Variants in GSG1L2 observed in about 807,000 individuals in gnomAD.
GSG1L2 encodes GSG1 like 2, also known as germ cell-specific gene 1-like protein 2.
Under a neutral mutation model 9.0 loss-of-function variants are expected in GSG1L2, and 15 were observed. That is an observed-to-expected ratio of 1.67 (90% CI 1.12 to 2.57). GSG1L2 has a LOEUF of 2.57. Ranked by LOEUF, GSG1L2 falls within the 30% of genes most tolerant of loss-of-function variation. GSG1L2 has a pLI of 0.00. For missense variants in GSG1L2, 286 were observed against 150.3 expected, an observed-to-expected ratio of 1.90 and a Z score of -4.72; for synonymous variants, 127 against 57.9, an observed-to-expected ratio of 2.19 and a Z score of -5.41.
intron 1 of GSG1L2, among the ~76,000 whole-genome samples, chr17:9,816,910 C>CTCTG (rs1555566439): frequency 3.2e-5 from 3 of 94,452 alleles, no homozygotes; most frequent in Non-Finnish European, 6.1e-5. Flanking sequence ...GTGTGTGTAT[C>CTCTG]TGTGTGTGTG....
intron 2 of GSG1L2, chr17:9,809,313 G>A (rs2066529403): frequency 2.7e-6 from 1 of 372,188 alleles, no homozygotes; most frequent in Non-Finnish European, 5.1e-6. Context: ...GTTGGTTCCT[G>A]CCGGTGGGTT....
Position 9,801,661 on chromosome 17 carries a change from G to A in GSG1L2, c.*725C>T, listed in dbSNP as rs1005883543. Among the ~76,000 whole-genome samples, 3 of 152,198 alleles carry A rather than the reference G, an allele frequency of 2.0e-5. No individual in the cohort carries two copies. The highest frequency in any genetic ancestry group is 7.2e-5 in the African/African-American group (3 of 41,458). On this transcript the variant is annotated 3_prime_UTR_variant, in exon 5 of 5. Coordinates refer to ENST00000399363, the MANE Select transcript of GSG1L2 (RefSeq NM_001310219.2). The stretch of plus-strand genomic sequence containing the variant: ...CCCACCACTGCCTCCAACAAGACCT[G>A]CATGTTTGGTAATGTTTATTTTTAG...
At chr17:9,807,981 C>T (rs1030822185) in intron 3 of GSG1L2, 3 of 186,990 alleles carry the variant, frequency 1.6e-5, no homozygotes, top group East Asian at 1.2e-4. Flanking sequence ...TGCTTAAGCT[C>T]AGGGGTTTGA....
rs1241737153 is a variant in GSG1L2, at chr17:9,800,701, G to A, written c.*1685C>T. ...GCGAATTCAGCGAAGTCTCTCTCCA[G>A]TGTATTTCATTCCCTGTAAGATGAG... is the stretch of plus-strand genomic sequence containing the variant. On this transcript the variant is annotated 3_prime_UTR_variant, in exon 5 of 5. Transcript: ENST00000399363. Among the ~76,000 whole-genome samples, 1 of 152,212 alleles carries A rather than the reference G, an allele frequency of 6.6e-6. No homozygotes were observed. Among genetic ancestry groups the A allele is most frequent in the Non-Finnish European group, 1.5e-5 (1 of 68,038 alleles).
intron 1 of GSG1L2, among the ~76,000 whole-genome samples, chr17:9,821,320 A>AAATAACAG (rs1391731437): frequency 6.6e-6 from 1 of 152,250 alleles, no homozygotes; most frequent in African/African-American, 2.4e-5. Flanking sequence ...AGTGCAGGAT[A>AAATAACAG]AATAACAGGG....
intron 2 of GSG1L2, chr17:9,809,333 G>T (rs1450415533): frequency 3.0e-6 from 1 of 333,286 alleles, no homozygotes; most frequent in East Asian, 7.5e-5. Context: ...TCATGGTCTG[G>T]CTGACTTCAA....
At chr17:9,807,847 C>A in intron 3 of GSG1L2, 1 of 421,350 alleles carries the variant, frequency 2.4e-6, no homozygotes, top group Non-Finnish European at 4.4e-6. Flanking sequence ...TGGCCTGGTT[C>A]CTTCCTAAGA....
At chr17:9,811,641 G>A (rs1489105375) in intron 1 of GSG1L2, among the ~76,000 whole-genome samples, 4 of 152,194 alleles carry the variant, frequency 2.6e-5, no homozygotes, top group African/African-American at 9.7e-5. Flanking sequence ...GCCCAAAATA[G>A]AATCATAGAC....
intron 3 of GSG1L2, among the ~76,000 whole-genome samples, chr17:9,808,202 A>G (rs2066523451): frequency 6.6e-6 from 1 of 152,224 alleles, no homozygotes; most frequent in East Asian, 1.9e-4. Flanking sequence ...GGACTAAAGG[A>G]AGTCATTTGT....
At chr17:9,806,182 C>T (rs2066515517) in intron 4 of GSG1L2, among the ~76,000 whole-genome samples, 1 of 152,192 alleles carries the variant, frequency 6.6e-6, no homozygotes. Flanking sequence ...TTGCCAATCA[C>T]CTTTCCTCTT....
At chr17:9,814,438 T>A (rs959860898) in intron 1 of GSG1L2, among the ~76,000 whole-genome samples, 1 of 152,112 alleles carries the variant, frequency 6.6e-6, no homozygotes, top group African/African-American at 2.4e-5. Context: ...TAACTTGTCT[T>A]CTAAAGAGAA....
intron 1 of GSG1L2, among the ~76,000 whole-genome samples, chr17:9,813,277 A>G (rs920736304): frequency 6.6e-6 from 1 of 152,158 alleles, no homozygotes; most frequent in Non-Finnish European, 1.5e-5. Flanking sequence ...CTATAGGGAG[A>G]AGAGAAACTC....
intron 1 of GSG1L2, among the ~76,000 whole-genome samples, chr17:9,811,591 T>C (rs1269861223): frequency 2.0e-5 from 3 of 152,160 alleles, no homozygotes; most frequent in Admixed American, 6.5e-5. Context: ...TGGGGTCCTG[T>C]CCCAGCTGAG....
In GSG1L2 at chr17:9,814,231, G is replaced by A. The variant is rs555883679; in HGVS notation, c.311-3613C>T. ...TTACAAGCGTGAGACACCGCGCCTGGCCTTTCCACTGTTTTGAGTGTTGAG... is the reference window on the plus strand; with the variant it reads ...TTACAAGCGTGAGACACCGCGCCTGACCTTTCCACTGTTTTGAGTGTTGAG... On this transcript the variant is annotated intron_variant, in intron 1 of 4. Coordinates refer to ENST00000399363, the MANE Select transcript of GSG1L2 (RefSeq NM_001310219.2). Among the ~76,000 whole-genome samples the A allele has an allele frequency of 2.0e-5, 3 of 152,342 alleles. No individual in the cohort carries two copies. In the East Asian group the frequency reaches 5.8e-4, roughly 29 times the overall value.
chr17:9,816,125 G>A (rs976164474), intron 1 of GSG1L2, among the ~76,000 whole-genome samples: 1 of 152,160 alleles, frequency 6.6e-6, no homozygotes, highest in East Asian at 1.9e-4. Flanking sequence ...CCCAGCCTCC[G>A]TAATGGTAAG....
At chr17:9,805,300 A>C (rs1169761386) in intron 4 of GSG1L2, 1 of 151,562 alleles carries the variant, frequency 6.6e-6, no homozygotes, top group Non-Finnish European at 1.5e-5. Context: ...TGAAGGATGA[A>C]TGTGGAGAAA....
chr17:9,806,615 T>C (rs2066517129), intron 4 of GSG1L2, among the ~76,000 whole-genome samples: 1 of 152,348 alleles, frequency 6.6e-6, no homozygotes, highest in Non-Finnish European at 1.5e-5. Flanking sequence ...AGGAGGGCAG[T>C]ACAAATTGGC....
rs2066498284 is a variant in GSG1L2, at chr17:9,801,950, G to C, written c.*436C>G. On this transcript the variant is annotated 3_prime_UTR_variant, in exon 5 of 5. Coordinates refer to ENST00000399363, the MANE Select transcript of GSG1L2 (RefSeq NM_001310219.2). Reference sequence around the variant, plus strand: ...GACATAGCCACACATACTTTATTGTGTGTGTCAATTAGGAGAAAACATTTT... The same window carrying C: ...GACATAGCCACACATACTTTATTGTCTGTGTCAATTAGGAGAAAACATTTT... Among the ~76,000 whole-genome samples the C allele has an allele frequency of 6.6e-6, 1 of 152,212 alleles. No homozygotes were observed. Among genetic ancestry groups the C allele is most frequent in the African/African-American group, 2.4e-5 (1 of 41,454 alleles).
At chr17:9,817,819 G>A (rs546865850) in intron 1 of GSG1L2, among the ~76,000 whole-genome samples, 1 of 152,124 alleles carries the variant, frequency 6.6e-6, no homozygotes, top group African/African-American at 2.4e-5. Flanking sequence ...GCTGTCTCAG[G>A]TGACATGGAA....
Sources: allele counts gnomAD v4.1 joint callset (sites outside exome capture counted in the v4.1 genomes callset), GRCh38; gene constraint gnomAD v4.1.1; transcripts MANE v1.5; gene names NCBI Gene and HGNC (gene_info 2026-07-23, HGNC 2026-07-21).